Variants in ZBTB20 observed in about 807,000 individuals in gnomAD.
The protein encoded by ZBTB20 is zinc finger and BTB domain-containing protein 20.
In ZBTB20, 9 loss-of-function variants were observed where a neutral mutation model predicts 56.9. That is an observed-to-expected ratio of 0.16 (90% CI 0.10 to 0.28). ZBTB20 has a LOEUF of 0.28. ZBTB20 is among the 10% of genes least tolerant of loss of function. The pLI is 1.00. For synonymous variants in ZBTB20, 417 were observed against 420.7 expected (o/e 0.99, Z 0.11); for missense variants, 655 against 1,003.0 (o/e 0.65, Z 4.69).
At chr3:114,825,783 A>G (rs2073492869) in intron 4 of ZBTB20, among the ~76,000 whole-genome samples, 1 of 151,836 alleles carries the variant, frequency 6.6e-6, no homozygotes, top group Admixed American at 6.6e-5. Context: ...GTTTCTCCAG[A>G]GTCAATTATT....
At chr3:115,004,274 A>G (rs142735659) in intron 2 of ZBTB20, among the ~76,000 whole-genome samples, 1 of 151,840 alleles carries the variant, frequency 6.6e-6, no homozygotes, top group Non-Finnish European at 1.5e-5. Context: ...TCAAAAGAGT[A>G]CAGAAAGGTA....
intron 5 of ZBTB20, among the ~76,000 whole-genome samples, 167 bp from the exon 6 acceptor site, chr3:114,693,742 G>C (rs2062832219): frequency 6.6e-6 from 1 of 152,096 alleles, no homozygotes; most frequent in Non-Finnish European, 1.5e-5. Flanking sequence ...AAATAGAATT[G>C]TGCACTAAGA....
At chr3:115,075,612 A>G (rs2082566644) in intron 1 of ZBTB20, among the ~76,000 whole-genome samples, 1 of 152,208 alleles carries the variant, frequency 6.6e-6, no homozygotes, top group Non-Finnish European at 1.5e-5. Flanking sequence ...TAAACAACAA[A>G]GTACCAACAG....
At chr3:115,117,407 T>C (rs16823509) in intron 1 of ZBTB20, among the ~76,000 whole-genome samples, 8,753 of 152,186 alleles carry the variant, frequency 0.058, 353 homozygotes, top group Admixed American at 0.15. Context: ...TACATAGAAC[T>C]CACCTTTTCC....
chr3:115,000,752 T>C (rs1026073916), intron 2 of ZBTB20, among the ~76,000 whole-genome samples: 1 of 151,630 alleles, frequency 6.6e-6, no homozygotes, highest in Admixed American at 6.6e-5. Flanking sequence ...CCAAATGCTA[T>C]ATATCTGGAT....
At chr3:114,835,052 T>C (rs1023750942) in intron 4 of ZBTB20, among the ~76,000 whole-genome samples, 4 of 152,160 alleles carry the variant, frequency 2.6e-5, no homozygotes, top group Non-Finnish European at 5.9e-5. Flanking sequence ...AACAATAATT[T>C]CTACTTTGTA....
At chr3:115,019,128 G>T (rs923813162) in intron 2 of ZBTB20, among the ~76,000 whole-genome samples, 3 of 151,180 alleles carry the variant, frequency 2.0e-5, no homozygotes, top group African/African-American at 7.3e-5. Context: ...TTTAAGTGCT[G>T]CCACAAGAAA....
At chr3:114,874,555 C>A (rs999817379) in intron 4 of ZBTB20, among the ~76,000 whole-genome samples, 19 of 152,148 alleles carry the variant, frequency 1.2e-4, no homozygotes, top group Non-Finnish European at 2.4e-4. Context: ...TTACATAAAA[C>A]CCTTATTGTC....
At chr3:115,092,045 A>T (rs894636807) in intron 1 of ZBTB20, among the ~76,000 whole-genome samples, 2 of 152,100 alleles carry the variant, frequency 1.3e-5, no homozygotes, top group African/African-American at 2.4e-5. Flanking sequence ...TCCAATTCTA[A>T]ATTAAATACT....
rs2074578775 is a variant in ZBTB20, at chr3:114,844,539, A to AAAAAAAC, written c.-416-43366_-416-43365insGTTTTTT. On this transcript the variant is annotated intron_variant, in intron 4 of 11. Coordinates refer to ENST00000675478, the MANE Select transcript of ZBTB20 (RefSeq NM_001348800.3). ...CTGTCTCAAAAAAAAAAAAAAAAAA[A>AAAAAAAC]AAAAAAAAAAAAACTTTCATTTCTC... 1.4e-5 allele frequency among the ~76,000 whole-genome samples: 2 copies of AAAAAAAC among 142,098 alleles called. 1 individual carries two copies. Among genetic ancestry groups the AAAAAAAC allele is most frequent in the Non-Finnish European group, 3.1e-5 (2 of 65,536 alleles). The allele number at this position is 142,098 out of a possible 152,430, so 93.2% of individuals were successfully genotyped here.
At chr3:114,353,940 T>G (rs1160572589) in intron 10 of ZBTB20, among the ~76,000 whole-genome samples, 1 of 152,126 alleles carries the variant, frequency 6.6e-6, no homozygotes, top group Admixed American at 6.5e-5. Context: ...GGCTCTAGAG[T>G]TCACCCTCTT....
intron 1 of ZBTB20, among the ~76,000 whole-genome samples, chr3:115,095,166 A>G (rs961499498): frequency 6.6e-6 from 1 of 152,154 alleles, no homozygotes; most frequent in Non-Finnish European, 1.5e-5. Context: ...AGAGTTTCAA[A>G]GGTAAGACTG....
At position 114,631,981 on chromosome 3, in the gene ZBTB20, C is replaced by T. The variant is rs1228799528; in HGVS notation, c.-295+61547G>A. On this transcript the variant is annotated intron_variant, in intron 6 of 11. Coordinates refer to ENST00000675478, the MANE Select transcript of ZBTB20 (RefSeq NM_001348800.3). ...ACAAACACCTGACATTAGCAAGGAG[C>T]GTGGTTGTGAGAGGCTGAGAGCAGA... Among the ~76,000 whole-genome samples the T allele has an allele frequency of 2.0e-5, 3 of 152,118 alleles. 1 individual carries two copies. Among genetic ancestry groups the T allele is most frequent in the Non-Finnish European group, 4.4e-5 (3 of 68,032 alleles).
intron 6 of ZBTB20, among the ~76,000 whole-genome samples, chr3:114,658,076 A>C (rs1412814224): frequency 6.6e-6 from 1 of 152,218 alleles, no homozygotes; most frequent in African/African-American, 2.4e-5. Context: ...AAAATCACTC[A>C]TAGTGCCCTA....
intron 7 of ZBTB20, among the ~76,000 whole-genome samples, chr3:114,466,229 A>T (rs1220102429): frequency 6.6e-6 from 1 of 152,210 alleles, no homozygotes; most frequent in African/African-American, 2.4e-5. Flanking sequence ...AATAATAGTC[A>T]ACCCTCACTA....
intron 6 of ZBTB20, among the ~76,000 whole-genome samples, chr3:114,667,371 C>G (rs2061119733): frequency 6.6e-6 from 1 of 152,008 alleles, no homozygotes; most frequent in African/African-American, 2.4e-5. Flanking sequence ...ATTGAATCAA[C>G]TTATTCTGAT....
intron 6 of ZBTB20, among the ~76,000 whole-genome samples, chr3:114,625,904 C>T (rs1477435196): frequency 1.3e-5 from 2 of 151,930 alleles, no homozygotes; most frequent in African/African-American, 4.8e-5. Context: ...CTCTATAAGT[C>T]AACTGATAAA....
intron 6 of ZBTB20, among the ~76,000 whole-genome samples, chr3:114,604,394 A>G (rs2056987195): frequency 6.6e-6 from 1 of 152,032 alleles, no homozygotes. Context: ...AAAAGTGGTT[A>G]CTAATGGGAA....
intron 7 of ZBTB20, among the ~76,000 whole-genome samples, chr3:114,424,326 G>C (rs897680394): frequency 7.9e-5 from 12 of 152,028 alleles, no homozygotes; most frequent in Non-Finnish European, 1.3e-4. Flanking sequence ...CTAGAGAAGG[G>C]GCAGAACCAT....
Sources: gnomAD v4.1 joint callset for allele counts (sites outside exome capture counted in the v4.1 genomes callset) on GRCh38, gnomAD v4.1.1 for gene constraint, MANE v1.5 for transcripts, NCBI Gene and HGNC (gene_info 2026-07-23, HGNC 2026-07-21) for gene names.